The following GALNT1 variants were observed in gnomAD, a reference collection of about 807,000 sequenced individuals.
The protein encoded by GALNT1 is polypeptide N-acetylgalactosaminyltransferase 1, also known as GalNAc transferase 1.
A neutral mutation model predicts 65.7 loss-of-function variants in GALNT1; 17 were observed. The ratio of observed to expected loss-of-function variants is 0.26; its 90% confidence interval spans 0.18 to 0.39. The LOEUF is 0.39. Among genes scored for constraint, GALNT1 ranks in the 10% least tolerant of loss-of-function variants. The pLI is 1.00. For synonymous variants in GALNT1, 210 were observed against 219.7 expected (o/e 0.96, Z 0.39); for missense variants, 460 against 672.8 (o/e 0.68, Z 3.50).
chr18:35,591,184 A>G (rs2046439489), intron 1 of GALNT1, among the ~76,000 whole-genome samples: 1 of 152,182 alleles, frequency 6.6e-6, no homozygotes, highest in Non-Finnish European at 1.5e-5. Flanking sequence ...CATGAGATGT[A>G]TACATACTCC....
intron 1 of GALNT1, among the ~76,000 whole-genome samples, chr18:35,622,250 A>G (rs1277881045): frequency 6.6e-6 from 1 of 151,006 alleles, no homozygotes; most frequent in Non-Finnish European, 1.5e-5. Context: ...TCTTTTTTTA[A>G]TATTATTATT....
At chr18:35,680,314 A>G (rs2047767740) in intron 4 of GALNT1, among the ~76,000 whole-genome samples, 1 of 152,164 alleles carries the variant, frequency 6.6e-6, no homozygotes, top group East Asian at 1.9e-4. Flanking sequence ...ATGTATTTAG[A>G]GAGGCCTTTC....
At chr18:35,596,317 C>T (rs2046504800) in intron 1 of GALNT1, 1 of 152,176 alleles carries the variant, frequency 6.6e-6, no homozygotes, top group Non-Finnish European at 1.5e-5. Flanking sequence ...ATAATAATAT[C>T]ATTCCTGGAA....
intron 1 of GALNT1, among the ~76,000 whole-genome samples, chr18:35,653,065 T>C (rs1014520921): frequency 1.3e-5 from 2 of 152,208 alleles, no homozygotes; most frequent in African/African-American, 4.8e-5. Flanking sequence ...TCTAATGCTT[T>C]AGGTTCTCCC....
intron 6 of GALNT1, 123 bp from the exon 7 acceptor site, chr18:35,689,050 T>C: frequency 1.4e-6 from 1 of 709,696 alleles, no homozygotes; most frequent in Non-Finnish European, 2.5e-6. Flanking sequence ...TGAAAGTTTA[T>C]GAAGAGTGTG....
At chr18:35,677,553 AC>A in intron 3 of GALNT1, 37 bp from the exon 4 acceptor site, 1 of 1,555,476 alleles carries the variant, frequency 6.4e-7, no homozygotes, top group Non-Finnish European at 8.8e-7. Context: ...TGCAATCTTA[AC>A]AGTCACTTTT....
chr18:35,641,300 A>G (rs541981099), intron 1 of GALNT1, among the ~76,000 whole-genome samples: 1 of 152,212 alleles, frequency 6.6e-6, no homozygotes, highest in East Asian at 1.9e-4. Flanking sequence ...TACAAAAATT[A>G]GGCGGGCATG....
chr18:35,601,541 A>C (rs1412595772), intron 1 of GALNT1, among the ~76,000 whole-genome samples: 1 of 151,624 alleles, frequency 6.6e-6, no homozygotes, highest in East Asian at 1.9e-4. Context: ...TTTATTTGAA[A>C]TCTTTCTACT....
chr18:35,608,619 G>A (rs2046679851), intron 1 of GALNT1, among the ~76,000 whole-genome samples: 1 of 152,106 alleles, frequency 6.6e-6, no homozygotes, highest in Non-Finnish European at 1.5e-5. Flanking sequence ...TGTACTCTAG[G>A]TGTGGTACTA....
chr18:35,592,072 A>T (rs1259815013), intron 1 of GALNT1, among the ~76,000 whole-genome samples: 1 of 152,272 alleles, frequency 6.6e-6, no homozygotes, highest in East Asian at 1.9e-4. Context: ...TCAGGTCTGG[A>T]GGTGCAGATG....
intron 3 of GALNT1, among the ~76,000 whole-genome samples, chr18:35,675,049 C>T (rs903103997): frequency 6.8e-6 from 1 of 146,164 alleles, no homozygotes; most frequent in Non-Finnish European, 1.5e-5. Flanking sequence ...CTCACTTGGG[C>T]AAGTGTGGAA....
intron 1 of GALNT1, among the ~76,000 whole-genome samples, chr18:35,641,322 C>T (rs2047160311): frequency 6.6e-6 from 1 of 152,108 alleles, no homozygotes; most frequent in Non-Finnish European, 1.5e-5. Flanking sequence ...TGGCGTGTGC[C>T]TGTAGTCCTA....
At chr18:35,699,409 T>C (rs2048118171) in intron 9 of GALNT1, among the ~76,000 whole-genome samples, 1 of 152,244 alleles carries the variant, frequency 6.6e-6, no homozygotes, top group African/African-American at 2.4e-5. Context: ...TTAGATGTCC[T>C]GATGACTACT....
At chr18:35,625,003 T>C (rs779797083) in intron 1 of GALNT1, among the ~76,000 whole-genome samples, 1 of 152,180 alleles carries the variant, frequency 6.6e-6, no homozygotes, top group Non-Finnish European at 1.5e-5. Context: ...TTAAGATACA[T>C]TATGATGTAA....
At chr18:35,590,172 G>A (rs2046426540) in intron 1 of GALNT1, among the ~76,000 whole-genome samples, 1 of 152,158 alleles carries the variant, frequency 6.6e-6, no homozygotes, top group South Asian at 2.1e-4. Context: ...GGGATGTTTG[G>A]GATTGTTTTG....
chr18:35,673,920 C>T (rs1486999472), intron 3 of GALNT1, among the ~76,000 whole-genome samples: 1 of 152,120 alleles, frequency 6.6e-6, no homozygotes, highest in Non-Finnish European at 1.5e-5. Flanking sequence ...CTTACACAAA[C>T]CTAGATGGTA....
At position 35,645,217 on chromosome 18, in the gene GALNT1, TG is replaced by T. The variant is rs1373174754; in HGVS notation, c.-103-9342del. Among the ~76,000 whole-genome samples, 185 of 126,666 alleles carry T rather than the reference TG, an allele frequency of 1.5e-3. 2 individuals carry two copies. The highest frequency in any genetic ancestry group is 4.4e-3 in the African/African-American group (145 of 32,596). 83.1% of individuals were successfully genotyped at this position (126,666 alleles called of 152,430 possible). A position where few individuals can be genotyped will look rare whatever the true frequency, so the allele number is the denominator to read the frequency against. On this transcript the variant is annotated intron_variant, in intron 1 of 11. Coordinates refer to ENST00000269195, the MANE Select transcript of GALNT1 (RefSeq NM_020474.4). ...GTTGGGTTTTCATAGCTATTTTGAA[TG>T]TTTTTTTTTTTTTTTTTTTTTTTTT...
At chr18:35,642,913 C>G (rs557479042) in intron 1 of GALNT1, among the ~76,000 whole-genome samples, 11 of 151,998 alleles carry the variant, frequency 7.2e-5, no homozygotes, top group Non-Finnish European at 1.6e-4. Context: ...CTGTATGTCT[C>G]TGCTTGGCCA....
At chr18:35,701,197 G>A (rs1418224383) in intron 9 of GALNT1, among the ~76,000 whole-genome samples, 1 of 151,928 alleles carries the variant, frequency 6.6e-6, no homozygotes, top group Non-Finnish European at 1.5e-5. Flanking sequence ...TCAGCCTCCC[G>A]AATAACTGGG....
Sources: allele counts gnomAD v4.1 joint callset (sites outside exome capture counted in the v4.1 genomes callset), GRCh38; gene constraint gnomAD v4.1.1; transcripts MANE v1.5; gene names NCBI Gene and HGNC (gene_info 2026-07-23, HGNC 2026-07-21).